JAKMIP1: variants seen among roughly 807,000 people sequenced by gnomAD.
JAKMIP1 encodes the protein janus kinase and microtubule interacting protein 1.
Under a neutral mutation model 113.0 loss-of-function variants are expected in JAKMIP1, and 33 were observed. That is an observed-to-expected ratio of 0.29 (90% CI 0.22 to 0.39). JAKMIP1 has a LOEUF of 0.39. Ranked by LOEUF, JAKMIP1 falls within the 10% of genes least tolerant of loss-of-function variation. The probability of loss-of-function intolerance (pLI) is 1.00; values close to 1 mark genes in which losing one functional copy is unlikely to be tolerated. For missense variants in JAKMIP1, 813 were observed against 1,080.5 expected (o/e 0.75, Z 3.47); for synonymous variants, 480 against 459.9 (o/e 1.04, Z -0.56).
rs563218442 is a variant in JAKMIP1 at position 6,055,024 on chromosome 4, C to T, written c.1708-876G>A. Among the ~76,000 whole-genome samples the T allele has an allele frequency of 1.4e-4, 14 of 99,776 alleles. No individual in the cohort carries two copies. In the South Asian group the frequency reaches 2.4e-3, roughly 17 times the overall value. 65.5% of individuals were successfully genotyped at this position (99,776 alleles called of 152,430 possible). A position where few individuals can be genotyped will look rare whatever the true frequency, so the allele number is the denominator to read the frequency against. Reference sequence around the variant, plus strand: ...GGGGTTGCTCGCTGTCCCAAATGCCCTTGTCCCAAATGCCCTTGAGAAATG... The same window carrying T: ...GGGGTTGCTCGCTGTCCCAAATGCCTTTGTCCCAAATGCCCTTGAGAAATG... On this transcript the variant is annotated intron_variant, in intron 12 of 20. Transcript: ENST00000409021.
chr4:6,082,905 GAC>G (rs1720796018), intron 5 of JAKMIP1, among the ~76,000 whole-genome samples: 2 of 152,092 alleles, frequency 1.3e-5, no homozygotes, highest in Non-Finnish European at 2.9e-5. Context: ...AAAAGACAAA[GAC>G]AGATCTCTAA....
chr4:6,151,894 A>C (rs534999750), intron 1 of JAKMIP1, among the ~76,000 whole-genome samples: 4 of 152,226 alleles, frequency 2.6e-5, no homozygotes, highest in Non-Finnish European at 4.4e-5. Context: ...AAGTAAAAGC[A>C]GTGAGCACAG....
intron 9 of JAKMIP1, among the ~76,000 whole-genome samples, chr4:6,063,344 T>C (rs1717584672): frequency 6.6e-6 from 1 of 152,218 alleles, no homozygotes; most frequent in South Asian, 2.1e-4. Flanking sequence ...TACATATCAC[T>C]GGCTGGGAAA....
chr4:6,155,106 G>A lies in JAKMIP1; in HGVS notation c.-147-42109C>T, dbSNP rs928717265. 2.0e-5 allele frequency among the ~76,000 whole-genome samples: 3 copies of A among 152,124 alleles called. No individual in the cohort carries two copies. Among genetic ancestry groups the A allele is most frequent in the Non-Finnish European group, 4.4e-5 (3 of 68,012 alleles). On this transcript the variant is annotated intron_variant, in intron 1 of 20. Coordinates refer to ENST00000409021, the MANE Select transcript of JAKMIP1 (RefSeq NM_001099433.2). The surrounding 1 kb of genome is among the most constrained non-coding windows in gnomAD (Gnocchi z 6.1). ...GGAAGATACTTCTGGTGACAGTGTT[G>A]GGGTGTGCTGAAATTGGATCTGTGA... is the stretch of plus-strand genomic sequence containing the variant.
Position 6,156,625 on chromosome 4 carries a change from G to A in JAKMIP1, c.-148+43628C>T, listed in dbSNP as rs1002506979. Among the ~76,000 whole-genome samples the A allele has an allele frequency of 7.2e-5, 11 of 152,254 alleles. No homozygotes were observed. Among genetic ancestry groups the A allele is most frequent in the Admixed American group, 2.6e-4 (4 of 15,286 alleles). On this transcript the variant is annotated intron_variant, in intron 1 of 20. Transcript: ENST00000409021. The surrounding 1 kb of genome is among the most constrained non-coding windows in gnomAD (Gnocchi z 5.0). Reference sequence around the variant, plus strand: ...TGCAACTCAAAGATCTGATGCATGTGGAAGGCTTTCATCTGTCTTCACCCA... The same window carrying A: ...TGCAACTCAAAGATCTGATGCATGTAGAAGGCTTTCATCTGTCTTCACCCA...
In JAKMIP1 at chr4:6,094,010, G is replaced by A. The variant is rs1189320082; in HGVS notation, c.625-8381C>T. Among the ~76,000 whole-genome samples, 1 of 151,940 alleles carries A rather than the reference G, an allele frequency of 6.6e-6. No individual in the cohort carries two copies. Among genetic ancestry groups the A allele is most frequent in the Non-Finnish European group, 1.5e-5 (1 of 67,998 alleles). On this transcript the variant is annotated intron_variant, in intron 3 of 20. Transcript: ENST00000409021. The surrounding 1 kb of genome is among the most constrained non-coding windows in gnomAD (Gnocchi z 4.2). ...CCAAGCAGAGATCACATGGGAGCGGGTGTCACCTGTCACCCCAGTAGACTG... is the reference window on the plus strand; with the variant it reads ...CCAAGCAGAGATCACATGGGAGCGGATGTCACCTGTCACCCCAGTAGACTG...
chr4:6,078,923 A>G lies in JAKMIP1; in HGVS notation c.1302+16T>C. 1 of 1,613,702 alleles carries G rather than the reference A, an allele frequency of 6.2e-7. No homozygotes were observed. The highest frequency in any genetic ancestry group is 1.3e-5 in the African/African-American group (1 of 75,050). On this transcript the variant is annotated intron_variant, in intron 8 of 20. Coordinates refer to ENST00000409021, the MANE Select transcript of JAKMIP1 (RefSeq NM_001099433.2). ...CACAGCGGCAAGGTAGGGCAGGTGC[A>G]CCATCGCAGGCTCACCTTGGGCGGT... is the stretch of plus-strand genomic sequence containing the variant.
At chr4:6,041,504 T>C (rs898675111) in intron 17 of JAKMIP1, among the ~76,000 whole-genome samples, 1 of 152,118 alleles carries the variant, frequency 6.6e-6, no homozygotes, top group Admixed American at 6.5e-5. Flanking sequence ...CTTTGACTAC[T>C]CAAGAACCAC....
At chr4:6,099,100 T>C (rs1250793412) in intron 3 of JAKMIP1, among the ~76,000 whole-genome samples, 2 of 152,234 alleles carry the variant, frequency 1.3e-5, no homozygotes, top group Non-Finnish European at 2.9e-5. Flanking sequence ...ACAGAGCATG[T>C]TTTCTATCCT....
At position 6,135,289 on chromosome 4, in the gene JAKMIP1, A is replaced by C. The variant is rs1272457605; in HGVS notation, c.-147-22292T>G. ...CCTAATCCAAGATGACGGATGTCCT[A>C]ACAATACGAGGAAAATAGGACACAG... On this transcript the variant is annotated intron_variant, in intron 1 of 20. Transcript: ENST00000409021. The surrounding 1 kb of genome is among the most constrained non-coding windows in gnomAD (Gnocchi z 4.9). 6.6e-6 allele frequency among the ~76,000 whole-genome samples: 1 copy of C among 152,194 alleles called. No homozygotes were observed. The highest frequency in any genetic ancestry group is 1.5e-5 in the Non-Finnish European group (1 of 68,042).
At position 6,183,870 on chromosome 4, in the gene JAKMIP1, G is replaced by T. The variant is rs1262950753; in HGVS notation, c.-148+16383C>A. Among the ~76,000 whole-genome samples, 2 of 152,132 alleles carry T rather than the reference G, an allele frequency of 1.3e-5. No homozygotes were observed. Among genetic ancestry groups the T allele is most frequent in the Non-Finnish European group, 2.9e-5 (2 of 68,030 alleles). On this transcript the variant is annotated intron_variant, in intron 1 of 20. Transcript: ENST00000409021. The surrounding 1 kb of genome is among the most constrained non-coding windows in gnomAD (Gnocchi z 5.3). ...GCAAGACAAGTCACTCCCAAAAACGGAATCACAAATGCGGTATGCAAATCG... is the reference window on the plus strand; with the variant it reads ...GCAAGACAAGTCACTCCCAAAAACGTAATCACAAATGCGGTATGCAAATCG...
Position 6,080,134 on chromosome 4 carries a change from C to A in JAKMIP1, c.1242+38G>T. ...GACACCCATGTCAGCTGGTGCCACCCCTGCCAGGGGCAGCCGCGCCAGCTG... is the reference window on the plus strand; with the variant it reads ...GACACCCATGTCAGCTGGTGCCACCACTGCCAGGGGCAGCCGCGCCAGCTG... On this transcript the variant is annotated intron_variant, in intron 7 of 20. Transcript: ENST00000409021. This position sits in a 1 kb window ranked among gnomAD's most constrained non-coding sequence, Gnocchi z 6.0. 1 of 1,546,296 alleles carries A rather than the reference C, an allele frequency of 6.5e-7. No individual in the cohort carries two copies. Among genetic ancestry groups the A allele is most frequent in the Non-Finnish European group, 8.7e-7 (1 of 1,144,290 alleles).
chr4:6,057,209 G>A (rs999737330), intron 11 of JAKMIP1, among the ~76,000 whole-genome samples: 2 of 152,298 alleles, frequency 1.3e-5, no homozygotes, highest in Non-Finnish European at 2.9e-5. Flanking sequence ...GTGAGCACAC[G>A]GCACCAAGTC....
intron 1 of JAKMIP1, among the ~76,000 whole-genome samples, chr4:6,130,936 G>A (rs1578329518): frequency 6.6e-6 from 1 of 152,116 alleles, no homozygotes; most frequent in Non-Finnish European, 1.5e-5. Context: ...CACTTTGGGA[G>A]GCTGAGGAAG....
chr4:6,035,798 C>T, intron 19 of JAKMIP1, 106 bp downstream of exon 19: 1 of 956,460 alleles, frequency 1.0e-6, no homozygotes, highest in Non-Finnish European at 1.5e-6. Flanking sequence ...CACCAACTCT[C>T]CCTGGAATGA....
Position 6,154,774 on chromosome 4 carries a change from C to A in JAKMIP1, c.-147-41777G>T, listed in dbSNP as rs1560287501. Among the ~76,000 whole-genome samples, 1 of 152,148 alleles carries A rather than the reference C, an allele frequency of 6.6e-6. No homozygotes were observed. Among genetic ancestry groups the A allele is most frequent in the Non-Finnish European group, 1.5e-5 (1 of 68,034 alleles). On this transcript the variant is annotated intron_variant, in intron 1 of 20. Coordinates refer to ENST00000409021, the MANE Select transcript of JAKMIP1 (RefSeq NM_001099433.2). This position sits in a 1 kb window ranked among gnomAD's most constrained non-coding sequence, Gnocchi z 4.2. ...CAGCCATCATGAACTACAGACAGCA[C>A]CCTAAACATCCTGTTCTGCCTTTGT... is the stretch of plus-strand genomic sequence containing the variant.
rs1715565839 is a variant in JAKMIP1 at position 6,050,819 on chromosome 4, G to A, written c.1807-140C>T. 6.1e-6 allele frequency: 4 copies of A among 657,538 alleles called. No individual in the cohort carries two copies. The highest frequency in any genetic ancestry group is 8.0e-6 in the Non-Finnish European group (3 of 372,688). The allele number at this position is 657,538 out of a possible 1,614,324, so 40.7% of individuals were successfully genotyped here. On this transcript the variant is annotated intron_variant, in intron 13 of 20. Transcript: ENST00000409021. This position sits in a 1 kb window ranked among gnomAD's most constrained non-coding sequence, Gnocchi z 7.4. ...AAAGCACGAGTTCGGACTAGAAGCA[G>A]CCTCGTCCGTGAGCTACGACGTTTT...
intron 18 of JAKMIP1, among the ~76,000 whole-genome samples, chr4:6,037,148 A>G (rs1399967562): frequency 1.4e-5 from 2 of 147,700 alleles, no homozygotes; most frequent in Non-Finnish European, 3.0e-5. Flanking sequence ...AGGTTAACCC[A>G]GTAGCCCTCC....
chr4:6,039,828 C>A (rs892678717), intron 18 of JAKMIP1, among the ~76,000 whole-genome samples: 1 of 152,204 alleles, frequency 6.6e-6, no homozygotes, highest in Admixed American at 6.5e-5. Context: ...TCTCTGTCTT[C>A]CTGGAGCCTG....
Sources: allele counts gnomAD v4.1 joint callset (sites outside exome capture counted in the v4.1 genomes callset), GRCh38; gene constraint gnomAD v4.1.1; non-coding constraint Gnocchi (gnomAD v3.1); transcripts MANE v1.5; gene names NCBI Gene and HGNC (gene_info 2026-07-23, HGNC 2026-07-21).